The following IL1RAPL2 variants were observed in gnomAD, a reference collection of about 807,000 sequenced individuals.
IL1RAPL2 encodes the protein X-linked interleukin-1 receptor accessory protein-like 2.
IL1RAPL2 carries 3 observed loss-of-function variants against 44.1 expected under a neutral mutation model. That is an observed-to-expected ratio of 0.07 (90% CI 0.03 to 0.18). The LOEUF (loss-of-function observed/expected upper bound fraction) is 0.18. Among genes scored for constraint, IL1RAPL2 ranks in the 10% least tolerant of loss-of-function variants. IL1RAPL2 has a pLI of 1.00. For missense variants in IL1RAPL2, 391 were observed against 496.4 expected (o/e 0.79, Z 2.02); for synonymous variants, 181 against 178.8 (o/e 1.01, Z -0.10).
At chrX:104,674,426 C>T (rs1193000300) in intron 2 of IL1RAPL2, among the ~76,000 whole-genome samples, 1 of 111,997 alleles carries the variant, frequency 8.9e-6, no homozygotes, top group Non-Finnish European at 1.9e-5. Flanking sequence ...TTGAACCAGC[C>T]TTGCATCCCA....
chrX:104,848,022 G>A (rs1439911888), intron 2 of IL1RAPL2, among the ~76,000 whole-genome samples: 2 of 110,347 alleles, frequency 1.8e-5, no homozygotes, highest in East Asian at 5.7e-4. Context: ...AAGAATGCTT[G>A]TGATTTTTGC....
intron 2 of IL1RAPL2, among the ~76,000 whole-genome samples, chrX:104,745,161 A>G (rs1602707701): frequency 8.9e-6 from 1 of 111,901 alleles, no homozygotes; most frequent in African/African-American, 3.2e-5. Context: ...AACTGTGACT[A>G]TTGATGCTGC....
intron 2 of IL1RAPL2, among the ~76,000 whole-genome samples, chrX:105,095,415 A>G (rs941766108): frequency 3.6e-5 from 4 of 111,864 alleles, no homozygotes; most frequent in Non-Finnish European, 7.5e-5. Context: ...TCCTGCATCT[A>G]TTGAGGTGAT....
chrX:105,484,603 G>T, intron 6 of IL1RAPL2, among the ~76,000 whole-genome samples: 2 of 112,133 alleles, frequency 1.8e-5, no homozygotes, highest in Middle Eastern at 4.6e-3. Flanking sequence ...GTTACACTGG[G>T]TATTAAGTGT....
At chrX:104,906,253 G>A (rs1238466471) in intron 2 of IL1RAPL2, among the ~76,000 whole-genome samples, 2 of 111,202 alleles carry the variant, frequency 1.8e-5, no homozygotes, top group Non-Finnish European at 3.8e-5. Context: ...TCTGCAAACG[G>A]GGACAATTTG....
At chrX:104,811,219 CA>C (rs1446786830) in intron 2 of IL1RAPL2, among the ~76,000 whole-genome samples, 1 of 110,509 alleles carries the variant, frequency 9.0e-6, no homozygotes, top group Non-Finnish European at 1.9e-5. Context: ...GTGACCAAAA[CA>C]AACAAAAAAA....
chrX:104,914,570 T>A (rs1000166421), intron 2 of IL1RAPL2, among the ~76,000 whole-genome samples: 4 of 111,675 alleles, frequency 3.6e-5, no homozygotes, highest in African/African-American at 1.3e-4. Context: ...GCTTTCTTTT[T>A]TTATTATTAT....
intron 1 of IL1RAPL2, among the ~76,000 whole-genome samples, chrX:104,637,816 G>C (rs756265797): frequency 3.7e-5 from 4 of 109,482 alleles, no homozygotes; most frequent in Admixed American, 2.0e-4. Context: ...GTGTGTGTGT[G>C]TGTGTGTCTG....
intron 2 of IL1RAPL2, among the ~76,000 whole-genome samples, chrX:105,185,582 G>T (rs1329498943): frequency 9.0e-6 from 1 of 111,012 alleles, no homozygotes; most frequent in Admixed American, 9.6e-5. Flanking sequence ...CTTAAATTGG[G>T]TATCTTGTTA....
intron 4 of IL1RAPL2, among the ~76,000 whole-genome samples, chrX:105,234,523 T>C (rs1445580925): frequency 2.7e-5 from 3 of 111,686 alleles, no homozygotes; most frequent in African/African-American, 9.8e-5. Context: ...CAGAAGAGAA[T>C]TGTGGCCAGG....
chrX:105,267,288 AAG>A, intron 4 of IL1RAPL2, 98 bp from the exon 5 acceptor site: 1 of 749,095 alleles, frequency 1.3e-6, no homozygotes, highest in African/African-American at 2.1e-5. Flanking sequence ...TTGAAAACGA[AAG>A]AGAATAATAC....
intron 5 of IL1RAPL2, among the ~76,000 whole-genome samples, chrX:105,435,630 C>G (rs1199525601): frequency 9.0e-6 from 1 of 111,465 alleles, no homozygotes; most frequent in Non-Finnish European, 1.9e-5. Flanking sequence ...TAGCAAAGAC[C>G]TAGAACCAAC....
intron 6 of IL1RAPL2, among the ~76,000 whole-genome samples, chrX:105,494,081 A>G (rs2036340051): frequency 8.9e-6 from 1 of 111,921 alleles, no homozygotes; most frequent in South Asian, 3.7e-4. Flanking sequence ...AATAGGAAGT[A>G]TAGATTAAAG....
intron 2 of IL1RAPL2, among the ~76,000 whole-genome samples, chrX:104,979,259 T>G (rs2030393096): frequency 9.0e-6 from 1 of 110,908 alleles, no homozygotes. Flanking sequence ...AAAGTAAAGG[T>G]AATTCCCTCT....
chrX:105,674,393 C>T (rs184633127), intron 6 of IL1RAPL2, among the ~76,000 whole-genome samples: 62 of 111,875 alleles, frequency 5.5e-4, no homozygotes, highest in Admixed American at 4.9e-3. Flanking sequence ...AAATGGATAG[C>T]CAGTTCTCCC....
chrX:105,631,333 G>A (rs745967867), intron 6 of IL1RAPL2, among the ~76,000 whole-genome samples: 1 of 111,751 alleles, frequency 8.9e-6, no homozygotes, highest in Admixed American at 9.5e-5. Flanking sequence ...CCAGCCAAAG[G>A]GTTAAAGCTG....
chrX:105,158,671 A>G (rs767121209), intron 2 of IL1RAPL2, among the ~76,000 whole-genome samples: 50 of 112,206 alleles, frequency 4.5e-4, no homozygotes, highest in Admixed American at 7.6e-4. Flanking sequence ...GACTATTGCA[A>G]TAGTCTGTGT....
At chrX:105,637,232 T>A (rs1342564303) in intron 6 of IL1RAPL2, among the ~76,000 whole-genome samples, 1 of 111,830 alleles carries the variant, frequency 8.9e-6, no homozygotes, top group Non-Finnish European at 1.9e-5. Flanking sequence ...ACACCACTCA[T>A]ATTGTTTTGT....
intron 6 of IL1RAPL2, among the ~76,000 whole-genome samples, chrX:105,704,420 C>T (rs1035299956): frequency 2.7e-5 from 3 of 111,384 alleles, no homozygotes; most frequent in Admixed American, 9.6e-5. Flanking sequence ...ACCTCACTTG[C>T]CAGTGGAGCC....
Sources: gnomAD v4.1 joint callset for allele counts (sites outside exome capture counted in the v4.1 genomes callset) on GRCh38, gnomAD v4.1.1 for gene constraint, MANE v1.5 for transcripts, NCBI Gene and HGNC (gene_info 2026-07-23, HGNC 2026-07-21) for gene names.